The following TTC33 variants were observed in gnomAD, a reference collection of about 807,000 sequenced individuals.
The protein encoded by TTC33 is tetratricopeptide repeat domain 33, also known as tetratricopeptide repeat protein 33.
Under a neutral mutation model 29.4 loss-of-function variants are expected in TTC33, and 24 were observed. That is an observed-to-expected ratio of 0.82 (90% CI 0.59 to 1.15). The LOEUF is 1.15. TTC33 is among the 50% of genes most tolerant of loss of function. The probability of loss-of-function intolerance (pLI) is 0.00; values close to 1 mark genes in which losing one functional copy is unlikely to be tolerated. For synonymous variants in TTC33, 107 were observed against 100.3 expected (o/e 1.07, Z -0.40); for missense variants, 286 against 310.4 (o/e 0.92, Z 0.59).
In TTC33 at chr5:40,748,905, C is replaced by T. The variant is rs536044209; in HGVS notation, c.-1-1886G>A. ...ATCCTAGCACTTTGGGAGGCCAAGGCCAGTGGATCATTTGAGGTCAGGAGT... is the reference window on the plus strand; with the variant it reads ...ATCCTAGCACTTTGGGAGGCCAAGGTCAGTGGATCATTTGAGGTCAGGAGT... On this transcript the variant is annotated intron_variant, in intron 1 of 4. Transcript: ENST00000337702. Among the ~76,000 whole-genome samples, 23 of 152,176 alleles carry T rather than the reference C, an allele frequency of 1.5e-4. No individual in the cohort carries two copies. The South Asian group carries it at 3.5e-3, about 23-fold the overall frequency.
chr5:40,755,108 T>C (rs190282328), intron 1 of TTC33, among the ~76,000 whole-genome samples: 57 of 152,258 alleles, frequency 3.7e-4, no homozygotes, highest in African/African-American at 1.3e-3. Flanking sequence ...ATAACGATTC[T>C]AAACAACGAC....
At chr5:40,751,595 A>T (rs1742895001) in intron 1 of TTC33, among the ~76,000 whole-genome samples, 1 of 152,224 alleles carries the variant, frequency 6.6e-6, no homozygotes, top group African/African-American at 2.4e-5. Flanking sequence ...AAAGCCAAGC[A>T]TTGACTTCTC....
intron 2 of TTC33, among the ~76,000 whole-genome samples, chr5:40,743,202 A>G (rs2111925939): frequency 6.6e-6 from 1 of 152,356 alleles, no homozygotes; most frequent in South Asian, 2.1e-4. Flanking sequence ...GTAATCAGAG[A>G]GCAGACTGCT....
chr5:40,732,608 C>A (rs1356697943), intron 2 of TTC33, among the ~76,000 whole-genome samples: 1 of 151,782 alleles, frequency 6.6e-6, no homozygotes, highest in Non-Finnish European at 1.5e-5. Flanking sequence ...ACTAATATAA[C>A]AGATTTTTTT....
intron 3 of TTC33, among the ~76,000 whole-genome samples, chr5:40,729,649 G>A (rs771367154): frequency 3.3e-5 from 5 of 152,008 alleles, no homozygotes; most frequent in East Asian, 1.9e-4. Context: ...CAAGGAAAGC[G>A]TATGTTTTTC....
chr5:40,737,818 T>G (rs1347096983), intron 2 of TTC33, among the ~76,000 whole-genome samples: 1 of 152,222 alleles, frequency 6.6e-6, no homozygotes, highest in Non-Finnish European at 1.5e-5. Flanking sequence ...TAGACAGATT[T>G]ATAAAATTGG....
intron 4 of TTC33, among the ~76,000 whole-genome samples, chr5:40,718,001 G>A (rs1742038787): frequency 6.6e-6 from 1 of 151,746 alleles, no homozygotes; most frequent in South Asian, 2.1e-4. Context: ...GGCGGAGGTT[G>A]CAGTGAGCCA....
At chr5:40,727,826 AT>A (rs1355970570) in intron 4 of TTC33, among the ~76,000 whole-genome samples, 1 of 152,182 alleles carries the variant, frequency 6.6e-6, no homozygotes, top group Admixed American at 6.5e-5. Context: ...TAACTGAAAA[AT>A]ATTCTGATCA....
intron 4 of TTC33, among the ~76,000 whole-genome samples, chr5:40,726,813 A>G (rs1357320969): frequency 6.6e-6 from 1 of 152,168 alleles, no homozygotes. Flanking sequence ...ATAGTGATGT[A>G]TAAATTTTTA....
intron 4 of TTC33, among the ~76,000 whole-genome samples, chr5:40,720,145 C>T (rs1742094297): frequency 6.6e-6 from 1 of 152,130 alleles, no homozygotes; most frequent in Non-Finnish European, 1.5e-5. Flanking sequence ...AAGATTTACA[C>T]CTATGTTCTC....
chr5:40,721,413 G>A (rs1033896553), intron 4 of TTC33, among the ~76,000 whole-genome samples: 13 of 152,138 alleles, frequency 8.5e-5, no homozygotes, highest in African/African-American at 2.9e-4. Flanking sequence ...CAGATATATA[G>A]ACCAATGGAA....
intron 2 of TTC33, among the ~76,000 whole-genome samples, chr5:40,741,130 G>T (rs764141784): frequency 2.0e-5 from 3 of 152,136 alleles, no homozygotes; most frequent in Non-Finnish European, 4.4e-5. Flanking sequence ...AGTAATTTTT[G>T]ATTAGATGCT....
chr5:40,721,479 CA>C (rs1742133660), intron 4 of TTC33, among the ~76,000 whole-genome samples: 1 of 152,106 alleles, frequency 6.6e-6, no homozygotes, highest in African/African-American at 2.4e-5. Context: ...TGATCTTCAA[CA>C]AGGGCATTAA....
chr5:40,750,087 CAAA>C (rs142845813), intron 1 of TTC33, among the ~76,000 whole-genome samples: 16 of 132,386 alleles, frequency 1.2e-4, no homozygotes, highest in Admixed American at 1.5e-4. Context: ...AACTCCATCT[CAAA>C]AAAAAAAAAA....
At chr5:40,738,524 AAATACAATAAAATAC>A (rs1742614193) in intron 2 of TTC33, among the ~76,000 whole-genome samples, 2 of 98,004 alleles carry the variant, frequency 2.0e-5, no homozygotes, top group South Asian at 3.8e-4. Context: ...CAATAAAATA[AAATACAATAAAATAC>A]AATAAAATAA....
At chr5:40,718,219 A>G (rs920946782) in intron 4 of TTC33, among the ~76,000 whole-genome samples, 1 of 151,878 alleles carries the variant, frequency 6.6e-6, no homozygotes, top group Non-Finnish European at 1.5e-5. Context: ...CCAGGAGTTC[A>G]ATGACAAAAC....
intron 3 of TTC33, among the ~76,000 whole-genome samples, chr5:40,729,937 G>T (rs560862148): frequency 8.2e-4 from 125 of 152,048 alleles, no homozygotes; most frequent in Non-Finnish European, 1.5e-3. Flanking sequence ...GACCTCAAGT[G>T]ATCCACCCAC....
intron 4 of TTC33, among the ~76,000 whole-genome samples, chr5:40,720,285 G>A (rs72747958): frequency 0.22 from 33,161 of 152,080 alleles, 4,325 homozygotes; most frequent in Admixed American, 0.37. Context: ...AACTGCCTCA[G>A]CACCATTTGC....
Position 40,751,838 on chromosome 5 carries a change from T to C in TTC33, c.-2+3986A>G, listed in dbSNP as rs547919305. ...TGGGCGTGGTGGCGCACGCCTGTAGTCCCAGCTGCTCGGGAGGCTGAGGCA... is the reference window on the plus strand; with the variant it reads ...TGGGCGTGGTGGCGCACGCCTGTAGCCCCAGCTGCTCGGGAGGCTGAGGCA... On this transcript the variant is annotated intron_variant, in intron 1 of 4. Coordinates refer to ENST00000337702, the MANE Select transcript of TTC33 (RefSeq NM_012382.3). 5.3e-5 allele frequency among the ~76,000 whole-genome samples: 8 copies of C among 151,976 alleles called. No individual in the cohort carries two copies. The East Asian group carries it at 1.6e-3, about 29-fold the overall frequency.
Sources: allele counts gnomAD v4.1 joint callset (sites outside exome capture counted in the v4.1 genomes callset), GRCh38; gene constraint gnomAD v4.1.1; transcripts MANE v1.5; gene names NCBI Gene and HGNC (gene_info 2026-07-23, HGNC 2026-07-21).